Variants in EHF observed in about 807,000 individuals in gnomAD.
EHF encodes ETS homologous factor.
A neutral mutation model predicts 45.1 loss-of-function variants in EHF; 14 were observed. The ratio of observed to expected loss-of-function variants is 0.31; its 90% confidence interval spans 0.21 to 0.49. The LOEUF (loss-of-function observed/expected upper bound fraction) is 0.49. EHF is among the 20% of genes least tolerant of loss of function. EHF has a pLI of 0.99. For missense variants in EHF, 282 were observed against 371.4 expected (o/e 0.76, Z 1.98); for synonymous variants, 136 against 131.8 (o/e 1.03, Z -0.22).
chr11:34,659,384 G>C lies in EHF; in HGVS notation c.*453G>C, dbSNP rs1262815514. 1.3e-5 allele frequency: 2 copies of C among 155,726 alleles called. No homozygotes were observed. Among genetic ancestry groups the C allele is most frequent in the Non-Finnish European group, 2.8e-5 (2 of 70,464 alleles). The allele number at this position is 155,726 out of a possible 1,614,324, so 9.6% of individuals were successfully genotyped here. A position where few individuals can be genotyped will look rare whatever the true frequency, so the allele number is the denominator to read the frequency against. ...TTCGTCAAGGGAGGTGAACATTGTT[G>C]CTGAGTTAAATTCCAGGGTCTCAGA... On this transcript the variant is annotated 3_prime_UTR_variant, in exon 9 of 9. Coordinates refer to ENST00000257831, the MANE Select transcript of EHF (RefSeq NM_012153.6).
At position 34,637,363 on chromosome 11, in the gene EHF, G is replaced by T. The variant is rs750940211; in HGVS notation, c.-3-5265G>T. Among the ~76,000 whole-genome samples the T allele has an allele frequency of 7.0e-4, 106 of 152,324 alleles. 1 individual carries two copies. The highest frequency in any genetic ancestry group is 3.1e-3 in the Admixed American group (48 of 15,308). On this transcript the variant is annotated intron_variant, in intron 1 of 8. Transcript: ENST00000257831. ...TGGGGCTGGGATGTGTCTCTGTGTG[G>T]CTGGCACAGAAGCAGTCCAAGTGCT...
intron 1 of EHF, among the ~76,000 whole-genome samples, chr11:34,628,537 T>C (rs1212407048): frequency 6.6e-6 from 1 of 152,180 alleles, no homozygotes; most frequent in African/African-American, 2.4e-5. Flanking sequence ...AGATGTTCTC[T>C]GCCAAAAGGG....
intron 1 of EHF, among the ~76,000 whole-genome samples, chr11:34,637,869 T>C (rs1030879473): frequency 6.6e-6 from 1 of 151,554 alleles, no homozygotes; most frequent in Non-Finnish European, 1.5e-5. Context: ...ATGAAAAAAA[T>C]CTCAGGATAA....
At chr11:34,632,458 C>G (rs1309693145) in intron 1 of EHF, 19 of 1,495,416 alleles carry the variant, frequency 1.3e-5, no homozygotes, top group Non-Finnish European at 1.7e-5. Flanking sequence ...ATTCAGCCAT[C>G]CAGACAACCC....
At chr11:34,631,525 G>A (rs1852889069) in intron 1 of EHF, 3 of 973,404 alleles carry the variant, frequency 3.1e-6, no homozygotes, top group South Asian at 4.7e-5. Context: ...GCTTGGATTA[G>A]GACAGAAATC....
intron 1 of EHF, among the ~76,000 whole-genome samples, chr11:34,624,628 G>A (rs906366579): frequency 2.0e-5 from 3 of 152,210 alleles, no homozygotes; most frequent in Non-Finnish European, 4.4e-5. Flanking sequence ...CCTCACCACA[G>A]CTATTCTTAG....
At chr11:34,645,482 A>G (rs1565036827) in intron 2 of EHF, among the ~76,000 whole-genome samples, 1 of 152,224 alleles carries the variant, frequency 6.6e-6, no homozygotes, top group African/African-American at 2.4e-5. Context: ...ATACAAAGAC[A>G]AGTAAAACAG....
In EHF at chr11:34,656,969, C is replaced by G. The variant is rs138596416; in HGVS notation, c.606C>G (p.His202Gln). The stretch of plus-strand genomic sequence containing the variant: ...CTGCCAAGTGCCACACCAAAAAGCA[C>G]AGTAAGTTGGCTGGCTTTCAGATGG... ...DPPAKCHTKK[H>Q]NPRGTHLWEF... Residue 202 changes from histidine to glutamine, a missense_variant and splice_region_variant, in exon 7 of 9, where the codon CAC (histidine) becomes CAG (glutamine). By Grantham distance (24) the His-to-Gln change is conservative. Coordinates refer to ENST00000257831, the MANE Select transcript of EHF (RefSeq NM_012153.6). 3 of 1,613,350 alleles carry G rather than the reference C, an allele frequency of 1.9e-6. No individual in the cohort carries two copies. The African/African-American group carries it at 4.0e-5, about 22-fold the overall frequency.
intron 6 of EHF, among the ~76,000 whole-genome samples, chr11:34,653,009 A>G (rs1041100237): frequency 2.0e-5 from 3 of 152,100 alleles, no homozygotes; most frequent in Non-Finnish European, 2.9e-5. Flanking sequence ...ATTCTGGGGG[A>G]ACTGAGCCAA....
At chr11:34,652,810 C>T (rs1021391611) in intron 6 of EHF, among the ~76,000 whole-genome samples, 8 of 152,176 alleles carry the variant, frequency 5.3e-5, no homozygotes, top group Non-Finnish European at 1.2e-4. Context: ...TTGTTTGGGT[C>T]AAGCCCCTTA....
intron 1 of EHF, among the ~76,000 whole-genome samples, chr11:34,635,289 A>G (rs1286323483): frequency 7.2e-5 from 11 of 152,006 alleles, no homozygotes; most frequent in Non-Finnish European, 1.5e-5. Flanking sequence ...ATATTTAAGA[A>G]GGGAGGCCAG....
chr11:34,653,858 G>A (rs1222569730), intron 6 of EHF, among the ~76,000 whole-genome samples: 1 of 152,190 alleles, frequency 6.6e-6, no homozygotes, highest in Non-Finnish European at 1.5e-5. Context: ...GCTAAGGCGA[G>A]GCCCAGCGTA....
intron 6 of EHF, among the ~76,000 whole-genome samples, chr11:34,656,053 T>TACAC (rs61484102): frequency 2.7e-5 from 4 of 149,548 alleles, no homozygotes; most frequent in African/African-American, 9.8e-5. Flanking sequence ...GTCCTCCCAA[T>TACAC]ACACACACAC....
At chr11:34,650,452 C>T (rs369536230) in intron 4 of EHF, among the ~76,000 whole-genome samples, 1 of 152,178 alleles carries the variant, frequency 6.6e-6, no homozygotes, top group Non-Finnish European at 1.5e-5. Flanking sequence ...AGCTAAAATA[C>T]CGGCTAAATC....
In EHF at chr11:34,637,968, C is replaced by T. The variant is rs564912814; in HGVS notation, c.-3-4660C>T. ...CCAGGCTGGAGTACAGTGGCTCGAGCTCGGCTCGCTGCAACCTCTGACTCC... is the reference window on the plus strand; with the variant it reads ...CCAGGCTGGAGTACAGTGGCTCGAGTTCGGCTCGCTGCAACCTCTGACTCC... On this transcript the variant is annotated intron_variant, in intron 1 of 8. Transcript: ENST00000257831. Among the ~76,000 whole-genome samples, 23 of 151,136 alleles carry T rather than the reference C, an allele frequency of 1.5e-4. 2 individuals carry two copies. In the East Asian group the frequency reaches 4.5e-3, roughly 29 times the overall value.
chr11:34,644,843 C>T (rs1017406321), intron 2 of EHF, among the ~76,000 whole-genome samples: 1 of 152,204 alleles, frequency 6.6e-6, no homozygotes, highest in Non-Finnish European at 1.5e-5. Context: ...AGGCCTTGCC[C>T]CAGACCTGTT....
At chr11:34,643,692 G>A (rs776042579) in intron 2 of EHF, among the ~76,000 whole-genome samples, 7 of 152,148 alleles carry the variant, frequency 4.6e-5, no homozygotes, top group African/African-American at 9.7e-5. Context: ...TCCCTTACTC[G>A]GTCACCTGTC....
intron 1 of EHF, among the ~76,000 whole-genome samples, chr11:34,641,708 G>A (rs1163214990): frequency 2.6e-5 from 4 of 152,168 alleles, no homozygotes; most frequent in Non-Finnish European, 5.9e-5. Flanking sequence ...ACACGGTTGG[G>A]GATCTGTTCT....
At chr11:34,657,391 T>C (rs1237107364) in intron 7 of EHF, among the ~76,000 whole-genome samples, 1 of 152,178 alleles carries the variant, frequency 6.6e-6, no homozygotes, top group Non-Finnish European at 1.5e-5. Context: ...GAAATGACTG[T>C]TTTTTCTTAA....
Sources: gnomAD v4.1 joint callset for allele counts (sites outside exome capture counted in the v4.1 genomes callset) on GRCh38, gnomAD v4.1.1 for gene constraint, MANE v1.5 for transcripts, NCBI Gene and HGNC (gene_info 2026-07-23, HGNC 2026-07-21) for gene names.